MACF1: variants seen among roughly 807,000 people sequenced by gnomAD.
MACF1 encodes the protein microtubule actin crosslinking factor 1, also known as microtubule-actin cross-linking factor 1.
Under a neutral mutation model 854.8 loss-of-function variants are expected in MACF1, and 193 were observed. The ratio of observed to expected loss-of-function variants is 0.23; its 90% CI spans 0.20 to 0.25. MACF1 has a LOEUF of 0.25. Among genes scored for constraint, MACF1 ranks in the 10% least tolerant of loss-of-function variants. The pLI, the probability that MACF1 is intolerant of heterozygous loss-of-function variation, is 1.00. For missense variants in MACF1, 7,722 were observed against 8,929.1 expected, an observed-to-expected ratio of 0.86 and a Z score of 5.45; for synonymous variants, 3,185 against 3,226.7, an observed-to-expected ratio of 0.99 and a Z score of 0.44.
intron 2 of MACF1, among the ~76,000 whole-genome samples, chr1:39,244,513 C>T (rs928703560): frequency 1.3e-5 from 2 of 151,604 alleles, no homozygotes; most frequent in Admixed American, 1.3e-4. Flanking sequence ...GAACTCCTGA[C>T]CTCATGATCC....
At position 39,293,617 on chromosome 1, in the gene MACF1, T is replaced by C. The variant is rs966785484; in HGVS notation, c.2152T>C (p.Ser718Pro). Residue 718 changes from serine to proline, a missense_variant and splice_region_variant, in exon 18 of 101, where the codon TCT becomes CCT. Coordinates refer to ENST00000564288, the MANE Select transcript of MACF1 (RefSeq NM_001394062.1). ...TATCTCAGCCAAGAGAAATTACTTCTCTGTGAGTCTAGCACAGTAGCAGGC... is the reference window on the plus strand; with the variant it reads ...TATCTCAGCCAAGAGAAATTACTTCCCTGTGAGTCTAGCACAGTAGCAGGC... Reference protein sequence around the residue: ...SNISAKRNYFSELTMELEEKQ... With the variant: ...SNISAKRNYFPELTMELEEKQ... The C allele has an allele frequency of 6.2e-7, 1 of 1,612,910 alleles. No homozygotes were observed. The highest frequency in any genetic ancestry group is 8.5e-7 in the Non-Finnish European group (1 of 1,179,340).
Position 39,422,455 on chromosome 1 carries a change from G to T in MACF1, c.15898G>T (p.Ala5300Ser). 1 of 1,614,022 alleles carries T rather than the reference G, an allele frequency of 6.2e-7. No individual in the cohort carries two copies. Among genetic ancestry groups the T allele is most frequent in the Non-Finnish European group, 8.5e-7 (1 of 1,179,896 alleles). ...NGLGQGLIQS[A>S]GKDCDVQGLE... ...ACTTGGCCAGGGATTAATTCAGAGTGCAGGAAAAGACTGTGATGTACAGGG... is the reference window on the plus strand; with the variant it reads ...ACTTGGCCAGGGATTAATTCAGAGTTCAGGAAAAGACTGTGATGTACAGGG... The change falls in exon 59 of 101, where the codon GCA (alanine) becomes TCA (serine). Residue 5300 changes from alanine (A) to serine (S), a missense_variant. By Grantham distance (99) the Ala-to-Ser change is moderately conservative. Around this residue, in one of 15 missense-constraint regions of MACF1, gnomAD observed 2,807 missense variants for 3,235.8 expected, o/e 0.87. Coordinates refer to ENST00000564288, the MANE Select transcript of MACF1 (RefSeq NM_001394062.1).
At chr1:39,296,119 G>A (rs1282205897) in intron 20 of MACF1, among the ~76,000 whole-genome samples, 1 of 152,198 alleles carries the variant, frequency 6.6e-6, no homozygotes, top group Non-Finnish European at 1.5e-5. Context: ...ACAGGCTGGG[G>A]GCTGGTTGGT....
intron 38 of MACF1, 137 bp downstream of exon 38, chr1:39,337,468 T>C: frequency 2.6e-6 from 2 of 771,794 alleles, no homozygotes; most frequent in Non-Finnish European, 3.9e-6. Context: ...TGTCAGATAA[T>C]TATGGGATGG....
intron 76 of MACF1, 29 bp from the exon 77 acceptor site, chr1:39,442,383 A>G (rs562211301): frequency 1.9e-6 from 3 of 1,610,766 alleles, no homozygotes; most frequent in East Asian, 2.2e-5. Flanking sequence ...TTCGTATTGA[A>G]TATTCCCTTT....
chr1:39,370,348 C>T (rs1649117127), intron 51 of MACF1, among the ~76,000 whole-genome samples, 162 bp downstream of exon 51: 1 of 152,182 alleles, frequency 6.6e-6, no homozygotes, highest in South Asian at 2.1e-4. Flanking sequence ...ACCATCTACC[C>T]ATACAGTCCT....
chr1:39,446,630 ATT>A (rs1644237442), intron 80 of MACF1, among the ~76,000 whole-genome samples: 1 of 152,100 alleles, frequency 6.6e-6, no homozygotes, highest in Non-Finnish European at 1.5e-5. Flanking sequence ...TTCTGTGAAT[ATT>A]TTGGAAATAC....
rs1332945891 is a variant in MACF1 at position 39,084,846 on chromosome 1, C to G, written c.220+408C>G. Reference sequence around the variant, plus strand: ...TAAAAGCTGTCTATTTCATGACTTTCTAAATCCTACTCTTTTTTCACTTTT... The same window carrying G: ...TAAAAGCTGTCTATTTCATGACTTTGTAAATCCTACTCTTTTTTCACTTTT... On this transcript the variant is annotated intron_variant, in intron 2 of 93. Coordinates refer to the MACF1 transcript ENST00000361689. This position sits in a 1 kb window ranked among gnomAD's most constrained non-coding sequence, Gnocchi z 5.2. 6.6e-6 allele frequency among the ~76,000 whole-genome samples: 1 copy of G among 152,158 alleles called. No individual in the cohort carries two copies. Among genetic ancestry groups the G allele is most frequent in the African/African-American group, 2.4e-5 (1 of 41,436 alleles).
Position 39,361,506 on chromosome 1 carries a change from C to A in MACF1, c.12600C>A (p.Leu4200=). The A allele has an allele frequency of 6.2e-7, 1 of 1,614,186 alleles. No homozygotes were observed. The highest frequency in any genetic ancestry group is 8.5e-7 in the Non-Finnish European group (1 of 1,180,048). The change falls in exon 49 of 101, where the codon CTC becomes CTA. Residue 4200 remains leucine (L), a synonymous_variant. Transcript: ENST00000564288. ...AGGTGAGCCAGCGGTTCGAACAGCT[C>A]TGTCTACAGCAGCAAGAAAAGGAGA... The part of the protein sequence containing the change: ...LAEVSQRFEQ[L]CLQQQEKESS...
chr1:39,200,601 A>G (rs147265467), upstream of MACF1, among the ~76,000 whole-genome samples: 2,536 of 152,144 alleles, frequency 0.017, 74 homozygotes, highest in African/African-American at 0.058. Context: ...TGGGAGGCTG[A>G]GGCAGGAGAA....
intron 2 of MACF1, among the ~76,000 whole-genome samples, chr1:39,179,843 C>T (rs1045976125): frequency 5.3e-5 from 8 of 151,626 alleles, no homozygotes; most frequent in South Asian, 2.1e-4. Context: ...GGTGAAACCC[C>T]GTCTCTACTA....
intron 58 of MACF1, among the ~76,000 whole-genome samples, chr1:39,407,338 C>A (rs2148604223): frequency 6.6e-6 from 1 of 152,312 alleles, no homozygotes; most frequent in Admixed American, 6.5e-5. Flanking sequence ...TTCTCTAGGT[C>A]AGACATTATT....
At position 39,333,916 on chromosome 1, in the gene MACF1, A is replaced by C. The variant is rs1175560916; in HGVS notation, c.7328A>C (p.Glu2443Ala). 1 of 1,614,196 alleles carries C rather than the reference A, an allele frequency of 6.2e-7. No individual in the cohort carries two copies. Among genetic ancestry groups the C allele is most frequent in the Non-Finnish European group, 8.5e-7 (1 of 1,180,034 alleles). ...VADQPELINLEKASKGRDAEK... is the reference protein window; with the variant it reads ...VADQPELINLAKASKGRDAEK... The stretch of plus-strand genomic sequence containing the variant: ...GACCAGCCAGAACTTATAAATCTGG[A>C]GAAAGCTTCCAAAGGTAGAGATGCT... Residue 2443 changes from glutamate to alanine, a missense_variant, in exon 37 of 101, where the codon GAG (glutamate) becomes GCG (alanine). Glu to Ala is a moderately radical substitution (Grantham distance 107, BLOSUM62 -1). Transcript: ENST00000564288.
chr1:39,254,665 A>G (rs1645078445), intron 5 of MACF1: 1 of 337,846 alleles, frequency 3.0e-6, no homozygotes, highest in Non-Finnish European at 5.4e-6. Flanking sequence ...ATGAAGATGA[A>G]AAATAAACTA....
intron 2 of MACF1, among the ~76,000 whole-genome samples, chr1:39,247,068 ATTTTTTTTTTTT>A: frequency 1.1e-5 from 1 of 93,510 alleles, no homozygotes; most frequent in Non-Finnish European, 2.0e-5. Flanking sequence ...TGCCCGGCTA[ATTTTTTTTTTTT>A]TTTTTTTTTT....
At position 39,105,081 on chromosome 1, in the gene MACF1, A is replaced by C. The variant is rs373347869; in HGVS notation, c.220+20643A>C. On this transcript the variant is annotated intron_variant, in intron 2 of 93. Coordinates refer to the MACF1 transcript ENST00000361689. The surrounding 1 kb of genome is among the most constrained non-coding windows in gnomAD (Gnocchi z 5.9). ...GGTCTCCCTGCCGTTCGGCCGGCCC[A>C]GCCTTTCATCCTGACGCGCGGGGCC... Among the ~76,000 whole-genome samples, 105 of 152,194 alleles carry C rather than the reference A, an allele frequency of 6.9e-4. No homozygotes were observed. Among genetic ancestry groups the C allele is most frequent in the African/African-American group, 2.5e-3 (102 of 41,562 alleles).
chr1:39,281,400 AT>A (rs1264977097), intron 6 of MACF1, among the ~76,000 whole-genome samples: 1 of 152,174 alleles, frequency 6.6e-6, no homozygotes, highest in Non-Finnish European at 1.5e-5. Flanking sequence ...TTTATACAAA[AT>A]AATCAAGATT....
intron 2 of MACF1, among the ~76,000 whole-genome samples, chr1:39,171,791 A>G (rs1422889931): frequency 6.6e-6 from 1 of 150,642 alleles, no homozygotes; most frequent in Non-Finnish European, 1.5e-5. Flanking sequence ...ACGCCCGGCT[A>G]ATTTTTTTGT....
chr1:39,230,001 C>A (rs895537937), intron 1 of MACF1, among the ~76,000 whole-genome samples: 3 of 152,172 alleles, frequency 2.0e-5, no homozygotes, highest in Non-Finnish European at 4.4e-5. Context: ...CCTCAGCCTC[C>A]CAAACTGCTG....
Sources: allele counts gnomAD v4.1 joint callset (sites outside exome capture counted in the v4.1 genomes callset), GRCh38; gene constraint gnomAD v4.1.1; regional missense constraint gnomAD v4.1.1; non-coding constraint Gnocchi (gnomAD v3.1); transcripts MANE v1.5; gene names NCBI Gene and HGNC (gene_info 2026-07-23, HGNC 2026-07-21).